RBFOX1: variants seen among roughly 807,000 people sequenced by gnomAD.
The protein encoded by RBFOX1 is RNA binding fox-1 homolog 1.
A neutral mutation model predicts 57.7 loss-of-function variants in RBFOX1; 8 were observed. The ratio of observed to expected loss-of-function variants is 0.14; its 90% CI spans 0.08 to 0.25. The LOEUF is 0.25. Ranked by LOEUF, RBFOX1 falls within the 10% of genes least tolerant of loss-of-function variation. RBFOX1 has a pLI of 1.00. For synonymous variants in RBFOX1, 326 were observed against 222.4 expected, an observed-to-expected ratio of 1.47 and a Z score of -4.15; for missense variants, 611 against 548.5, an observed-to-expected ratio of 1.11 and a Z score of -1.14.
At chr16:6,935,438 C>T (rs140202328) in intron 3 of RBFOX1, among the ~76,000 whole-genome samples, 17 of 152,264 alleles carry the variant, frequency 1.1e-4, no homozygotes, top group East Asian at 7.7e-4. Flanking sequence ...TTTTCTCTCT[C>T]TTCTTGTCAA....
At chr16:7,523,912 T>C (rs1400440876) in intron 5 of RBFOX1, among the ~76,000 whole-genome samples, 1 of 152,168 alleles carries the variant, frequency 6.6e-6, no homozygotes, top group Admixed American at 6.6e-5. Flanking sequence ...GTACCTTGTC[T>C]TCACTCCAGG....
chr16:7,482,542 ATTTTTTTTTTTTTTT>A (rs1178577326), intron 4 of RBFOX1, among the ~76,000 whole-genome samples: 2 of 77,146 alleles, frequency 2.6e-5, no homozygotes, highest in South Asian at 1.1e-3. Flanking sequence ...ATTGCCTGGG[ATTTTTTTTTTTTTTT>A]TTTTTTTTTT....
At chr16:7,061,319 T>C (rs1315044871) in intron 4 of RBFOX1, among the ~76,000 whole-genome samples, 1 of 152,216 alleles carries the variant, frequency 6.6e-6, no homozygotes, top group African/African-American at 2.4e-5. Context: ...AGCTTGTATG[T>C]TCTCCAGTCT....
intron 4 of RBFOX1, among the ~76,000 whole-genome samples, chr16:7,511,991 G>C (rs1000681981): frequency 2.6e-5 from 4 of 152,226 alleles, no homozygotes; most frequent in Admixed American, 2.0e-4. Flanking sequence ...GCATTTGCTT[G>C]ATGATGTGGG....
intron 4 of RBFOX1, among the ~76,000 whole-genome samples, chr16:5,969,361 G>C (rs2059916703): frequency 6.9e-6 from 1 of 145,250 alleles, no homozygotes; most frequent in African/African-American, 2.6e-5. Flanking sequence ...ACCCGGGCTG[G>C]AGTGCAATGG....
intron 2 of RBFOX1, among the ~76,000 whole-genome samples, chr16:6,404,718 CAGATTCTTTCCTGAGCTGA>C (rs1033746819): frequency 8.5e-5 from 13 of 152,204 alleles, no homozygotes; most frequent in Admixed American, 7.9e-4. Context: ...TTGCTGTTCC[CAGATTCTTTCCTGAGCTGA>C]AGATCTCAGC....
At chr16:7,303,749 C>T (rs1244862048) in intron 4 of RBFOX1, among the ~76,000 whole-genome samples, 7 of 148,962 alleles carry the variant, frequency 4.7e-5, no homozygotes, top group African/African-American at 1.5e-4. Flanking sequence ...TCTCTCTTTA[C>T]CCTCCCTCTC....
chr16:6,399,605 G>A (rs775806668), intron 2 of RBFOX1, among the ~76,000 whole-genome samples: 1 of 152,100 alleles, frequency 6.6e-6, no homozygotes, highest in Non-Finnish European at 1.5e-5. Context: ...CTGTCTTCTT[G>A]TGAGCCCTCC....
At chr16:5,956,584 G>A (rs1406505021) in intron 4 of RBFOX1, among the ~76,000 whole-genome samples, 2 of 149,772 alleles carry the variant, frequency 1.3e-5, no homozygotes, top group South Asian at 4.2e-4. Context: ...TGGGCTGCTG[G>A]TGCTTGTGAT....
In RBFOX1 at chr16:6,327,560, G is replaced by T. The variant is rs143877901; in HGVS notation, c.-64+10503G>T. Among the ~76,000 whole-genome samples, 7 of 152,232 alleles carry T rather than the reference G, an allele frequency of 4.6e-5. No homozygotes were observed. In the East Asian group the frequency reaches 1.4e-3, roughly 29 times the overall value. On this transcript the variant is annotated intron_variant, in intron 2 of 15. Transcript: ENST00000550418. ...TGCCTATTGTTTATTTGCCCATAAT[G>T]AGGACTCAGATTATATTTAAGAGGA...
intron 3 of RBFOX1, among the ~76,000 whole-genome samples, chr16:6,809,160 T>C (rs2087747622): frequency 6.6e-6 from 1 of 152,232 alleles, no homozygotes; most frequent in African/African-American, 2.4e-5. Flanking sequence ...TGCTGATTTC[T>C]GTAAGTCATT....
intron 3 of RBFOX1, among the ~76,000 whole-genome samples, chr16:5,662,803 C>G (rs2049700638): frequency 6.6e-6 from 1 of 152,192 alleles, no homozygotes; most frequent in Non-Finnish European, 1.5e-5. Flanking sequence ...CCCTCCACTT[C>G]TAAGTTGTGT....
chr16:7,147,669 A>G (rs2075296070), intron 4 of RBFOX1, among the ~76,000 whole-genome samples: 1 of 152,134 alleles, frequency 6.6e-6, no homozygotes, highest in Non-Finnish European at 1.5e-5. Context: ...TTATGGCTGT[A>G]TAGTATTCCA....
intron 2 of RBFOX1, among the ~76,000 whole-genome samples, chr16:5,526,534 C>T (rs2044253193): frequency 6.6e-6 from 1 of 152,132 alleles, no homozygotes; most frequent in Non-Finnish European, 1.5e-5. Context: ...AGAGATCTGC[C>T]CACCTCAGCC....
intron 1 of RBFOX1, among the ~76,000 whole-genome samples, chr16:5,261,442 C>G (rs1176360076): frequency 5.3e-5 from 8 of 151,500 alleles, no homozygotes; most frequent in African/African-American, 1.9e-4. Flanking sequence ...TGTCTTTTGC[C>G]TATTTTGATT....
chr16:7,313,860 C>T (rs1568164388), intron 4 of RBFOX1, among the ~76,000 whole-genome samples: 1 of 152,146 alleles, frequency 6.6e-6, no homozygotes, highest in Non-Finnish European at 1.5e-5. Flanking sequence ...CCTATGTCCT[C>T]CTCCTCACTG....
chr16:7,381,387 A>T (rs1362926628), intron 4 of RBFOX1, among the ~76,000 whole-genome samples: 2 of 152,250 alleles, frequency 1.3e-5, no homozygotes, highest in African/African-American at 4.8e-5. Flanking sequence ...TTTGAAATTT[A>T]AAATCCTTAA....
chr16:6,213,193 T>C (rs919622927), intron 1 of RBFOX1, among the ~76,000 whole-genome samples: 1 of 152,210 alleles, frequency 6.6e-6, no homozygotes, highest in Non-Finnish European at 1.5e-5. Flanking sequence ...TATTTTTTTC[T>C]TTTTTATGAC....
At chr16:5,752,039 C>T (rs1158755094) in intron 3 of RBFOX1, among the ~76,000 whole-genome samples, 2 of 152,134 alleles carry the variant, frequency 1.3e-5, no homozygotes, top group Admixed American at 1.3e-4. Flanking sequence ...CCCATAATGG[C>T]AGATTGGATA....
Sources: gnomAD v4.1 joint callset for allele counts (sites outside exome capture counted in the v4.1 genomes callset) on GRCh38, gnomAD v4.1.1 for gene constraint, MANE v1.5 for transcripts, NCBI Gene and HGNC (gene_info 2026-07-23, HGNC 2026-07-21) for gene names.